TRIM2: variants seen among roughly 807,000 people sequenced by gnomAD.
TRIM2 encodes the protein tripartite motif containing 2.
Under a neutral mutation model 75.2 loss-of-function variants are expected in TRIM2, and 20 were observed. The observed-to-expected ratio is 0.27, with a 90% confidence interval of 0.19 to 0.39. The LOEUF is 0.39. Ranked by LOEUF, TRIM2 falls within the 10% of genes least tolerant of loss-of-function variation. TRIM2 has a pLI of 1.00. For missense variants in TRIM2, 660 were observed against 990.8 expected (o/e 0.67, Z 4.48); for synonymous variants, 373 against 388.3 (o/e 0.96, Z 0.46).
At chr4:153,200,940 C>T (rs1426564321), upstream of TRIM2, among the ~76,000 whole-genome samples, 1 of 151,682 alleles carries the variant, frequency 6.6e-6, no homozygotes, top group Non-Finnish European at 1.5e-5. Flanking sequence ...GTATGAGCCA[C>T]CACGCCTGGT....
chr4:153,283,382 T>G (rs978843911), intron 3 of TRIM2, among the ~76,000 whole-genome samples: 1 of 152,226 alleles, frequency 6.6e-6, no homozygotes, highest in South Asian at 2.1e-4. Flanking sequence ...TTATGGTATA[T>G]TAGTACTCTT....
intron 2 of TRIM2, among the ~76,000 whole-genome samples, chr4:153,272,703 G>C (rs935935968): frequency 2.7e-5 from 4 of 150,426 alleles, no homozygotes; most frequent in Non-Finnish European, 5.9e-5. Context: ...ACTCCTGAGC[G>C]CAAGCAATCC....
intron 1 of TRIM2, chr4:153,257,274 A>C: frequency 2.8e-6 from 1 of 363,160 alleles, no homozygotes; most frequent in Non-Finnish European, 4.3e-6. Flanking sequence ...GAGAGCATGG[A>C]AACAGCTGAC....
chr4:153,232,817 G>T (rs900208809), intron 1 of TRIM2, among the ~76,000 whole-genome samples: 6 of 152,214 alleles, frequency 3.9e-5, no homozygotes, highest in Admixed American at 6.5e-5. Context: ...GGGCTGAGTG[G>T]TGTCTTCAGG....
chr4:153,261,681 C>G (rs1753624585), intron 1 of TRIM2, among the ~76,000 whole-genome samples: 1 of 152,238 alleles, frequency 6.6e-6, no homozygotes, highest in African/African-American at 2.4e-5. Flanking sequence ...CCCTCCCCTT[C>G]TCCAGAAGAG....
intron 1 of TRIM2, among the ~76,000 whole-genome samples, chr4:153,172,344 C>T (rs970519021): frequency 3.3e-5 from 5 of 152,050 alleles, no homozygotes; most frequent in South Asian, 4.1e-4. Context: ...CCCGCCACCG[C>T]GCCCGGCTAA....
Position 153,338,486 on chromosome 4 carries a change from G to GTA in TRIM2, c.*3520_*3521insTA, listed in dbSNP as rs1204793558. 1.2e-4 allele frequency: 120 copies of GTA among 985,186 alleles called. No individual in the cohort carries two copies. The African/African-American group carries it at 1.9e-3, about 16-fold the overall frequency. The allele number at this position is 985,186 out of a possible 1,614,324, so 61.0% of individuals were successfully genotyped here. A position where few individuals can be genotyped will look rare whatever the true frequency, so the allele number is the denominator to read the frequency against. ...TCTAATTTAGCTTAAAAGTGAAAGT[G>GTA]GTAATACTGTTGGTTTCTGTAAATG... On this transcript the variant is annotated 3_prime_UTR_variant, in exon 12 of 12. Transcript: ENST00000338700.
At chr4:153,181,836 G>C (rs549238913) in intron 1 of TRIM2, among the ~76,000 whole-genome samples, 1 of 152,254 alleles carries the variant, frequency 6.6e-6, no homozygotes, top group African/African-American at 2.4e-5. Context: ...TGTCTCCCCA[G>C]ATGACTCAGG....
At chr4:153,198,730 T>A (rs556365229) in intron 1 of TRIM2, among the ~76,000 whole-genome samples, 1 of 152,326 alleles carries the variant, frequency 6.6e-6, no homozygotes, top group South Asian at 2.1e-4. Flanking sequence ...CCTGGTAAAG[T>A]GTTTTGTATG....
chr4:153,185,721 T>C (rs560338871), intron 1 of TRIM2, among the ~76,000 whole-genome samples: 24 of 152,258 alleles, frequency 1.6e-4, no homozygotes, highest in African/African-American at 5.8e-4. Flanking sequence ...GATGCCTCTA[T>C]CTCTGGGGAG....
At chr4:153,264,896 G>T (rs1021388145) in intron 1 of TRIM2, among the ~76,000 whole-genome samples, 1 of 152,102 alleles carries the variant, frequency 6.6e-6, no homozygotes, top group Non-Finnish European at 1.5e-5. Flanking sequence ...CCTTCAACAG[G>T]TCACTTGTGA....
upstream of TRIM2, among the ~76,000 whole-genome samples, chr4:153,199,658 G>T (rs572717083): frequency 6.6e-6 from 1 of 152,132 alleles, no homozygotes; most frequent in African/African-American, 2.4e-5. Context: ...GTGCAAGCAG[G>T]TCTACTGGCA....
intron 1 of TRIM2, among the ~76,000 whole-genome samples, chr4:153,195,602 C>T (rs1421252093): frequency 6.6e-6 from 1 of 152,142 alleles, no homozygotes; most frequent in Non-Finnish European, 1.5e-5. Context: ...CCAGCAGGAG[C>T]CCTACATTTG....
intron 3 of TRIM2, among the ~76,000 whole-genome samples, chr4:153,289,079 A>C (rs1162964982): frequency 6.6e-6 from 1 of 152,052 alleles, no homozygotes; most frequent in Non-Finnish European, 1.5e-5. Flanking sequence ...CTTTAGGGAG[A>C]GTGCCTATAA....
In TRIM2 at chr4:153,153,896, C is replaced by A. The variant is rs561868468; in HGVS notation, c.-49+626C>A. Among the ~76,000 whole-genome samples the A allele has an allele frequency of 1.1e-4, 16 of 152,358 alleles. No individual in the cohort carries two copies. In the East Asian group the frequency reaches 3.1e-3, roughly 29 times the overall value. On this transcript the variant is annotated intron_variant, in intron 1 of 11. Transcript: ENST00000437508. ...AACTCGTTTCTTCCTTCTCTTCGCA[C>A]AAGGGGTTTAAGAGGGCAGACATGA...
intron 1 of TRIM2, among the ~76,000 whole-genome samples, chr4:153,179,825 C>T (rs1157102599): frequency 6.6e-6 from 1 of 152,160 alleles, no homozygotes; most frequent in Non-Finnish European, 1.5e-5. Context: ...CTTGGGCCGT[C>T]GTGGCCCTAC....
intron 1 of TRIM2, chr4:153,266,901 T>C (rs576083821): frequency 2.0e-5 from 3 of 149,430 alleles, no homozygotes; most frequent in Non-Finnish European, 3.0e-5. Context: ...GGGTTTTTTT[T>C]TTTTTTTTTT....
intron 1 of TRIM2, among the ~76,000 whole-genome samples, chr4:153,234,693 A>ATAGGTAGCATTAGGTGCTGTGCCTGGTT (rs1409769525): frequency 4.6e-5 from 7 of 152,218 alleles, no homozygotes; most frequent in African/African-American, 1.7e-4. Flanking sequence ...CAGAAAATGC[A>ATAGGTAGCATTAGGTGCTGTGCCTGGTT]TAGGTAGCAT....
intron 1 of TRIM2, among the ~76,000 whole-genome samples, chr4:153,255,979 G>T (rs1171129757): frequency 6.6e-6 from 1 of 152,040 alleles, no homozygotes; most frequent in African/African-American, 2.4e-5. Flanking sequence ...AAAGGGTATG[G>T]GTTGGGTGTT....
Sources: allele counts gnomAD v4.1 joint callset (sites outside exome capture counted in the v4.1 genomes callset), GRCh38; gene constraint gnomAD v4.1.1; transcripts MANE v1.5; gene names NCBI Gene and HGNC (gene_info 2026-07-23, HGNC 2026-07-21).